The following PTPRZ1 variants were observed in gnomAD, a reference collection of about 807,000 sequenced individuals.
The protein encoded by PTPRZ1 is protein tyrosine phosphatase receptor type Z1, also known as receptor-type tyrosine-protein phosphatase zeta.
Under a neutral mutation model 214.1 loss-of-function variants are expected in PTPRZ1, and 82 were observed. That is an observed-to-expected ratio of 0.38 (90% confidence interval 0.32 to 0.46). The LOEUF is 0.46. Among genes scored for constraint, PTPRZ1 ranks in the 20% least tolerant of loss-of-function variants. PTPRZ1 has a pLI of 1.00. For missense variants in PTPRZ1, 2,603 were observed against 2,748.7 expected, an observed-to-expected ratio of 0.95 and a Z score of 1.19; for synonymous variants, 945 against 987.9, an observed-to-expected ratio of 0.96 and a Z score of 0.81.
chr7:122,034,627 T>G (rs1386910661), intron 17 of PTPRZ1, among the ~76,000 whole-genome samples: 2 of 152,218 alleles, frequency 1.3e-5, no homozygotes, highest in Non-Finnish European at 2.9e-5. Flanking sequence ...ATTCTTTCTT[T>G]TGTTCTTTCT....
At chr7:122,033,959 T>A in intron 15 of PTPRZ1, 136 bp from the exon 16 acceptor site, 1 of 709,408 alleles carries the variant, frequency 1.4e-6, no homozygotes, top group Non-Finnish European at 2.4e-6. Context: ...TTCTGTTGTG[T>A]TAGTATTTGA....
intron 3 of PTPRZ1, 141 bp downstream of exon 3, chr7:121,968,271 A>G: frequency 2.1e-5 from 13 of 607,572 alleles, no homozygotes; most frequent in Admixed American, 4.1e-5. Context: ...AATGGAGCAG[A>G]GAAAATGGGA....
At chr7:121,892,318 C>T (rs1437406298) in intron 1 of PTPRZ1, among the ~76,000 whole-genome samples, 3 of 151,978 alleles carry the variant, frequency 2.0e-5, no homozygotes, top group Non-Finnish European at 4.4e-5. Context: ...TATGTTATGG[C>T]ATTTAGTGTT....
chr7:122,051,730 C>A, intron 24 of PTPRZ1, 136 bp from the exon 25 acceptor site: 1 of 912,290 alleles, frequency 1.1e-6, no homozygotes, highest in Non-Finnish European at 1.7e-6. Context: ...GCTTACAGAT[C>A]AGAGACACTT....
chr7:121,942,614 C>T (rs973101834), intron 2 of PTPRZ1, among the ~76,000 whole-genome samples: 6 of 152,114 alleles, frequency 3.9e-5, no homozygotes, highest in East Asian at 1.9e-4. Flanking sequence ...TGATTTAAAA[C>T]GTAAGTCTCA....
rs970827713 is a variant in PTPRZ1, at chr7:122,010,244, C to T, written c.1288-90C>T. 3.1e-6 allele frequency: 4 copies of T among 1,284,246 alleles called. No homozygotes were observed. The African/African-American group carries it at 6.0e-5, about 19-fold the overall frequency. The allele number at this position is 1,284,246 out of a possible 1,614,324, so 79.6% of individuals were successfully genotyped here. On this transcript the variant is annotated intron_variant, in intron 11 of 29. Coordinates refer to ENST00000393386, the MANE Select transcript of PTPRZ1 (RefSeq NM_002851.3). The stretch of plus-strand genomic sequence containing the variant: ...ATGAGGATGAGAAGTTCCCAAGATA[C>T]CACAAGTGATGATTGGCAGTGTAAG...
intron 1 of PTPRZ1, among the ~76,000 whole-genome samples, chr7:121,895,239 A>C (rs763112473): frequency 7.5e-5 from 11 of 146,844 alleles, no homozygotes; most frequent in Non-Finnish European, 1.4e-4. Flanking sequence ...AATAGCTATG[A>C]CCTGTCTCTC....
chr7:122,004,706 C>A, intron 11 of PTPRZ1, 46 bp downstream of exon 11: 3 of 1,118,022 alleles, frequency 2.7e-6, no homozygotes, highest in South Asian at 2.9e-5. Flanking sequence ...ATTAAATGGT[C>A]TATTTTGAAT....
chr7:121,873,388 A>T lies in PTPRZ1; in HGVS notation c.-112A>T. 1 of 1,010,166 alleles carries T rather than the reference A, an allele frequency of 9.9e-7. No individual in the cohort carries two copies. The allele number at this position is 1,010,166 out of a possible 1,614,324, so 62.6% of individuals were successfully genotyped here. A position where few individuals can be genotyped will look rare whatever the true frequency, so the allele number is the denominator to read the frequency against. ...CACGCACGATCTCACTTCGATCTAT[A>T]CACTGGAGGATTAAAACAAACAAAC... On this transcript the variant is annotated 5_prime_UTR_variant, in exon 1 of 30. Transcript: ENST00000393386.
In PTPRZ1 at chr7:122,011,528, A is replaced by G; in HGVS notation, c.2482A>G (p.Ser828Gly). 1 of 1,614,064 alleles carries G rather than the reference A, an allele frequency of 6.2e-7. No homozygotes were observed. Among genetic ancestry groups the G allele is most frequent in the Non-Finnish European group, 8.5e-7 (1 of 1,179,966 alleles). ...PLLPFSSASF[S>G]SELFRHLHTV... ...GCTTCCATTTTCCTCTGCTTCCTTCAGTAGTGAATTGTTTCGCCATCTGCA... is the reference window on the plus strand; with the variant it reads ...GCTTCCATTTTCCTCTGCTTCCTTCGGTAGTGAATTGTTTCGCCATCTGCA... The change falls in exon 12 of 30, where the codon AGT (serine) becomes GGT (glycine). Residue 828 changes from serine to glycine, a missense_variant. This residue lies in a region of PTPRZ1 where 1,913 missense variants were observed against 1,914.3 expected (regional missense o/e 1.00). Transcript: ENST00000393386.
intron 1 of PTPRZ1, among the ~76,000 whole-genome samples, chr7:121,916,525 T>C (rs990405214): frequency 6.6e-6 from 1 of 152,206 alleles, no homozygotes; most frequent in Middle Eastern, 3.2e-3. Context: ...AAATAATATC[T>C]AACCCCTGGC....
In PTPRZ1 at chr7:121,891,580, ATTTTATGCAACT is replaced by A. The variant is rs148764122; in HGVS notation, c.58+18030_58+18041del. ...CTTGCATTGTCATTTTATTTTTGAC[ATTTTATGCAACT>A]TTTTATTAATGTTAAATGAACCTTG... On this transcript the variant is annotated intron_variant, in intron 1 of 29. Coordinates refer to ENST00000393386, the MANE Select transcript of PTPRZ1 (RefSeq NM_002851.3). Among the ~76,000 whole-genome samples the A allele has an allele frequency of 5.5e-3, 816 of 147,708 alleles. 4 individuals carry two copies. Among genetic ancestry groups the A allele is most frequent in the African/African-American group, 0.02 (788 of 40,074 alleles).
chr7:121,976,035 G>A (rs1373613430), intron 4 of PTPRZ1, 138 bp from the exon 5 acceptor site: 2 of 506,566 alleles, frequency 3.9e-6, no homozygotes, highest in Non-Finnish European at 6.8e-6. Flanking sequence ...CCTTATTGAA[G>A]GATGGTAAAT....
intron 1 of PTPRZ1, among the ~76,000 whole-genome samples, chr7:121,895,006 C>G (rs554041135): frequency 6.6e-6 from 1 of 152,304 alleles, no homozygotes; most frequent in Non-Finnish European, 1.5e-5. Flanking sequence ...GATAATCCCT[C>G]TCTTAGAAGA....
intron 1 of PTPRZ1, among the ~76,000 whole-genome samples, chr7:121,895,870 C>A (rs1160244758): frequency 6.6e-6 from 1 of 152,168 alleles, no homozygotes; most frequent in Non-Finnish European, 1.5e-5. Context: ...GTATTCTTCT[C>A]CTATCCTCCC....
At chr7:121,955,318 G>A (rs2116469195) in intron 2 of PTPRZ1, among the ~76,000 whole-genome samples, 1 of 152,306 alleles carries the variant, frequency 6.6e-6, no homozygotes, top group Non-Finnish European at 1.5e-5. Context: ...GAAGAAGGGG[G>A]AAAGTTAATG....
intron 11 of PTPRZ1, among the ~76,000 whole-genome samples, chr7:122,008,759 G>A (rs984761331): frequency 2.0e-5 from 3 of 152,006 alleles, no homozygotes; most frequent in Non-Finnish European, 4.4e-5. Flanking sequence ...ACAAGGAAGA[G>A]TTTAGAAACT....
At position 121,996,573 on chromosome 7, in the gene PTPRZ1, A is replaced by G; in HGVS notation, c.1113+7A>G. ...AGATGGCTATCAAGACTTGGTAACT[A>G]TATGATCAGTTGTTTTACATAGGGT... On this transcript the variant is annotated splice_region_variant and intron_variant, in intron 9 of 29. Transcript: ENST00000393386. The G allele has an allele frequency of 1.2e-6, 2 of 1,601,142 alleles. No homozygotes were observed. The highest frequency in any genetic ancestry group is 1.1e-5 in the South Asian group (1 of 88,252).
intron 23 of PTPRZ1, among the ~76,000 whole-genome samples, chr7:122,047,861 C>T (rs1424198536): frequency 6.6e-6 from 1 of 151,944 alleles, no homozygotes; most frequent in African/African-American, 2.4e-5. Flanking sequence ...CGCCATGTTG[C>T]CCAGATGGTT....
Sources: allele counts gnomAD v4.1 joint callset (sites outside exome capture counted in the v4.1 genomes callset), GRCh38; gene constraint gnomAD v4.1.1; regional missense constraint gnomAD v4.1.1; transcripts MANE v1.5; gene names NCBI Gene and HGNC (gene_info 2026-07-23, HGNC 2026-07-21).